ZP1: variants seen among roughly 807,000 people sequenced by gnomAD.
The protein encoded by ZP1 is zona pellucida glycoprotein 1.
In ZP1, 58 loss-of-function variants were observed where a neutral mutation model predicts 67.4. That is an observed-to-expected ratio of 0.86 (90% CI 0.70 to 1.07). The LOEUF is 1.07. Ranked by LOEUF, ZP1 falls within the 50% of genes least tolerant of loss-of-function variation. The probability of loss-of-function intolerance (pLI) is 0.00; values close to 1 mark genes in which losing one functional copy is unlikely to be tolerated. For synonymous variants in ZP1, 333 were observed against 332.7 expected, an observed-to-expected ratio of 1.00 and a Z score of -0.01; for missense variants, 759 against 807.3, an observed-to-expected ratio of 0.94 and a Z score of 0.72.
At chr11:60,869,460 C>T (rs1590590751) in intron 2 of ZP1, 77 bp from the exon 3 acceptor site, 1 of 1,529,776 alleles carries the variant, frequency 6.5e-7, no homozygotes, top group Non-Finnish European at 8.8e-7. Context: ...GCCAGCTCAG[C>T]TCTCGTGGGC....
chr11:60,869,602 A>G lies in ZP1; in HGVS notation c.384A>G (p.Ala128=), dbSNP rs1197028327. ...TGCCCAATGGTCGTGTGGATGTGGC[A>G]CAAGACGCTACTCTGATCTGTCCCA... ...AVLPNGRVDV[A]QDATLICPKP... Residue 128 remains alanine, a synonymous_variant, in exon 3 of 12, where the codon GCA becomes GCG. Coordinates refer to ENST00000278853, the MANE Select transcript of ZP1 (RefSeq NM_207341.4). The G allele has an allele frequency of 1.2e-6, 2 of 1,613,976 alleles. No homozygotes were observed. The highest frequency in any genetic ancestry group is 1.7e-5 in the Admixed American group (1 of 60,022).
chr11:60,869,979 G>T, intron 3 of ZP1, 79 bp downstream of exon 3: 1 of 1,447,950 alleles, frequency 6.9e-7, no homozygotes, highest in Non-Finnish European at 9.2e-7. Context: ...CCTTTTACTG[G>T]GCTCTAAGCC....
intron 1 of ZP1, 115 bp downstream of exon 1, chr11:60,867,872 G>GCTGGACACCCCCAGGC: frequency 1.6e-6 from 2 of 1,213,012 alleles, no homozygotes; most frequent in Non-Finnish European, 2.3e-6. Flanking sequence ...CAGCCTGGGG[G>GCTGGACACCCCCAGGC]TGTCCAGCCC....
intron 1 of ZP1, among the ~76,000 whole-genome samples, chr11:60,868,929 CTAGAAAGATCCTA>C (rs1855515824): frequency 6.6e-6 from 1 of 152,228 alleles, no homozygotes; most frequent in Non-Finnish European, 1.5e-5. Context: ...GGAACCCTAG[CTAGAAAGATCCTA>C]AGACCCTCCC....
rs1036213156 is a variant in ZP1 at position 60,873,750 on chromosome 11, G to A, written c.1547G>A (p.Gly516Asp). Reference protein sequence around the residue: ...TVATFALLDSGSQRALRGLVY... With the variant: ...TVATFALLDSDSQRALRGLVY... ...GCTACCTTCGCCCTCCTGGACTCAG[G>A]CTCCCAGAGAGCCCTCAGAGGACTG... Residue 516 changes from glycine (G) to aspartate (D), a missense_variant, in exon 9 of 12, where the codon GGC becomes GAC. Coordinates refer to ENST00000278853, the MANE Select transcript of ZP1 (RefSeq NM_207341.4). The A allele has an allele frequency of 1.9e-6, 3 of 1,613,924 alleles. No homozygotes were observed. The highest frequency in any genetic ancestry group is 3.3e-5 in the Admixed American group (2 of 59,994).
rs1855624678 is a variant in ZP1 at position 60,873,415 on chromosome 11, C to A, written c.1281C>A (p.Pro427=). Residue 427 remains proline, a synonymous_variant, in exon 8 of 12, where the codon CCC becomes CCA. Coordinates refer to ENST00000278853, the MANE Select transcript of ZP1 (RefSeq NM_207341.4). ...CGTACTATGGGGAGGATGACTATCC[C>A]ATCGTGAGGCTGCTCCGAGAACCAG... ...FSSYYGEDDY[P]IVRLLREPVH... 6 of 1,612,186 alleles carry A rather than the reference C, an allele frequency of 3.7e-6. No homozygotes were observed. Among genetic ancestry groups the A allele is most frequent in the Non-Finnish European group, 4.2e-6 (5 of 1,178,552 alleles).
At chr11:60,874,432 G>A (rs915727957) in intron 9 of ZP1, among the ~76,000 whole-genome samples, 1 of 152,206 alleles carries the variant, frequency 6.6e-6, no homozygotes, top group Non-Finnish European at 1.5e-5. Context: ...GTATCTGGAA[G>A]CGGTGGTAAT....
At chr11:60,872,425 G>T (rs1255608580) in intron 6 of ZP1, among the ~76,000 whole-genome samples, 1 of 152,124 alleles carries the variant, frequency 6.6e-6, no homozygotes, top group Non-Finnish European at 1.5e-5. Context: ...TCAGAACAGG[G>T]GTGAGCCTCC....
chr11:60,873,126 T>C (rs369131027), intron 6 of ZP1, 36 bp from the exon 7 acceptor site: 83 of 1,518,362 alleles, frequency 5.5e-5, no homozygotes, highest in Non-Finnish European at 7.0e-5. Flanking sequence ...TCTGATTCTG[T>C]GTCTTCTCCC....
At chr11:60,875,444 C>G (rs897023238) in intron 11 of ZP1, 70 bp from the exon 12 acceptor site, 18 of 1,588,676 alleles carry the variant, frequency 1.1e-5, no homozygotes, top group Non-Finnish European at 1.5e-5. Context: ...CAGTGTGATA[C>G]AAAGTTCTGG....
rs544320594 is a variant in ZP1 at position 60,870,868 on chromosome 11, G to A, written c.827-89G>A. Reference sequence around the variant, plus strand: ...GAGTAAGCGTCCATTCTCCTAGACCGGCACTTAAAGCCTGGCTGTCACCCA... The same window carrying A: ...GAGTAAGCGTCCATTCTCCTAGACCAGCACTTAAAGCCTGGCTGTCACCCA... On this transcript the variant is annotated intron_variant, in intron 4 of 11. Transcript: ENST00000278853. 170 of 1,421,506 alleles carry A rather than the reference G, an allele frequency of 1.2e-4. No individual in the cohort carries two copies. In the East Asian group the frequency reaches 2.7e-3, roughly 22 times the overall value. 88.1% of individuals were successfully genotyped at this position (1,421,506 alleles called of 1,614,324 possible). A position where few individuals can be genotyped will look rare whatever the true frequency, so the allele number is the denominator to read the frequency against.
intron 4 of ZP1, 104 bp downstream of exon 4, chr11:60,870,579 A>G: frequency 1.4e-6 from 2 of 1,456,144 alleles, no homozygotes; most frequent in South Asian, 1.4e-5. Context: ...CTCCTCCTGG[A>G]GAGCCCAACT....
Position 60,871,007 on chromosome 11 carries a change from G to T in ZP1, c.877G>T (p.Glu293Ter), listed in dbSNP as rs201997227. The T allele has an allele frequency of 6.2e-7, 1 of 1,614,220 alleles. No individual in the cohort carries two copies. Among genetic ancestry groups the T allele is most frequent in the African/African-American group, 1.3e-5 (1 of 75,062 alleles). The change falls in exon 5 of 12, where the codon GAA becomes TAA. Residue 293 changes from glutamate to a stop codon, truncating the protein, a stop_gained. Coordinates refer to ENST00000278853, the MANE Select transcript of ZP1 (RefSeq NM_207341.4). LOFTEE classifies it high-confidence loss of function. ...DGYFVLVVSQEMALTHRITLA... is the reference protein window; with the variant it reads ...DGYFVLVVSQ Reference sequence around the variant, plus strand: ...CTACTTCGTCCTCGTGGTGTCCCAAGAAATGGCCTTGACACACAGGATCAC... The same window carrying T: ...CTACTTCGTCCTCGTGGTGTCCCAATAAATGGCCTTGACACACAGGATCAC...
chr11:60,870,834 C>T (rs1855552572), intron 4 of ZP1, 123 bp from the exon 5 acceptor site: 2 of 1,126,704 alleles, frequency 1.8e-6, no homozygotes, highest in South Asian at 3.0e-5. Flanking sequence ...CAACACCAGC[C>T]TAAGTGGAGA....
At position 60,871,060 on chromosome 11, in the gene ZP1, C is replaced by T. The variant is rs773777103; in HGVS notation, c.930C>T (p.Ala310=). 3 of 1,614,214 alleles carry T rather than the reference C, an allele frequency of 1.9e-6. No individual in the cohort carries two copies. Among genetic ancestry groups the T allele is most frequent in the Admixed American group, 3.3e-5 (2 of 60,034 alleles). The change falls in exon 5 of 12, where the codon GCC becomes GCT. Residue 310 remains alanine (A), a synonymous_variant. Coordinates refer to ENST00000278853, the MANE Select transcript of ZP1 (RefSeq NM_207341.4). ...TGGCCAACATCCACCTGGCCTATGC[C>T]CCCACCAGCTGCTCCCCAACACAGC... ...ITLANIHLAY[A]PTSCSPTQHT... is the part of the protein sequence containing the mutation.
chr11:60,871,101 T>C lies in ZP1; in HGVS notation c.971T>C (p.Val324Ala). 1.9e-6 allele frequency: 3 copies of C among 1,614,160 alleles called. No homozygotes were observed. The highest frequency in any genetic ancestry group is 2.5e-6 in the Non-Finnish European group (3 of 1,180,014). Residue 324 changes from valine to alanine, a missense_variant, in exon 5 of 12, where the codon GTG becomes GCG. Coordinates refer to ENST00000278853, the MANE Select transcript of ZP1 (RefSeq NM_207341.4). The part of the protein sequence containing the change: ...CSPTQHTEAF[V>A]VFYFPLTHCG... ...CCAACACAGCACACGGAAGCTTTCG[T>C]GGTCTTCTACTTCCCTCTCACCCAC... is the stretch of plus-strand genomic sequence containing the variant.
intron 6 of ZP1, 85 bp from the exon 7 acceptor site, chr11:60,873,077 C>G: frequency 7.0e-7 from 1 of 1,427,906 alleles, no homozygotes; most frequent in East Asian, 2.3e-5. Context: ...TTGTTGCACC[C>G]ACGGAGTTGG....
Position 60,869,633 on chromosome 11 carries a change from G to A in ZP1, c.415G>A (p.Asp139Asn). The change falls in exon 3 of 12, where the codon GAC becomes AAC. Residue 139 changes from aspartate to asparagine, a missense_variant. Transcript: ENST00000278853. ...CGCTACTCTGATCTGTCCCAAACCT[G>A]ACCCCTCCCGGACTCTGGACTCCCA... Reference protein sequence around the residue: ...QDATLICPKPDPSRTLDSQLA... With the variant: ...QDATLICPKPNPSRTLDSQLA... The A allele has an allele frequency of 1.9e-6, 3 of 1,614,076 alleles. No homozygotes were observed. Among genetic ancestry groups the A allele is most frequent in the African/African-American group, 2.7e-5 (2 of 74,994 alleles).
Position 60,873,208 on chromosome 11 carries a change from C to G in ZP1, c.1159C>G (p.Gln387Glu). ...CAACGCCAGTGACTTCCTGCCCATT[C>G]AGGCATCCATTTTCCCACCCCCATC... ...VFNASDFLPI[Q>E]ASIFPPPSPA... The change falls in exon 7 of 12, where the codon CAG becomes GAG. Residue 387 changes from glutamine to glutamate, a missense_variant. Transcript: ENST00000278853. 6.2e-7 allele frequency: 1 copy of G among 1,608,208 alleles called. No homozygotes were observed. Among genetic ancestry groups the G allele is most frequent in the Non-Finnish European group, 8.5e-7 (1 of 1,176,860 alleles).
Sources: allele counts gnomAD v4.1 joint callset (sites outside exome capture counted in the v4.1 genomes callset), GRCh38; gene constraint gnomAD v4.1.1; transcripts MANE v1.5; gene names NCBI Gene and HGNC (gene_info 2026-07-23, HGNC 2026-07-21).